The following RFX3 variants were observed in gnomAD, a reference collection of about 807,000 sequenced individuals.
RFX3 encodes the protein regulatory factor X3, also known as transcription factor RFX3.
RFX3 carries 14 observed loss-of-function variants against 98.6 expected under a neutral mutation model. The ratio of observed to expected loss-of-function variants is 0.14; its 90% CI spans 0.09 to 0.22. The LOEUF (loss-of-function observed/expected upper bound fraction) is 0.22, where lower values mean the gene tolerates loss of function less well. RFX3 is among the 10% of genes least tolerant of loss of function. The pLI is 1.00. For missense variants in RFX3, 639 were observed against 926.9 expected (o/e 0.69, Z 4.03); for synonymous variants, 383 against 328.4 (o/e 1.17, Z -1.80).
chr9:3,378,183 A>C (rs912431425), intron 2 of RFX3, among the ~76,000 whole-genome samples: 1 of 152,194 alleles, frequency 6.6e-6, no homozygotes, highest in African/African-American at 2.4e-5. Context: ...TTTAGAGCCA[A>C]CTTCTTATTT....
intron 1 of RFX3, among the ~76,000 whole-genome samples, chr9:3,430,389 A>T (rs1224365751): frequency 6.6e-6 from 1 of 152,166 alleles, no homozygotes; most frequent in Non-Finnish European, 1.5e-5. Flanking sequence ...CTGGCAAAAC[A>T]CTTTTGCTTT....
At chr9:3,280,317 G>A (rs1825775721) in intron 7 of RFX3, among the ~76,000 whole-genome samples, 1 of 151,788 alleles carries the variant, frequency 6.6e-6, no homozygotes, top group Non-Finnish European at 1.5e-5. Flanking sequence ...ATGTGGGCCT[G>A]TAAGTATGAG....
At chr9:3,318,951 T>C (rs1830946541) in intron 4 of RFX3, among the ~76,000 whole-genome samples, 1 of 152,194 alleles carries the variant, frequency 6.6e-6, no homozygotes. Flanking sequence ...CCACCCTCAC[T>C]AGAAGCCTAT....
At chr9:3,248,241 T>G in intron 14 of RFX3, 56 bp from the exon 15 acceptor site, 1 of 1,508,960 alleles carries the variant, frequency 6.6e-7, no homozygotes, top group South Asian at 1.3e-5. Context: ...GAATTAGCAT[T>G]CTACCTATTT....
chr9:3,228,730 G>T, intron 16 of RFX3, 117 bp downstream of exon 16: 1 of 756,482 alleles, frequency 1.3e-6, no homozygotes. Context: ...TATTTATCTA[G>T]GATTTGTATG....
intron 1 of RFX3, among the ~76,000 whole-genome samples, chr9:3,421,818 G>C (rs1843465479): frequency 6.6e-6 from 1 of 152,036 alleles, no homozygotes; most frequent in Non-Finnish European, 1.5e-5. Context: ...TGCCCCTCTG[G>C]TCTTCTATTC....
intron 4 of RFX3, 101 bp downstream of exon 4, chr9:3,330,158 G>A: frequency 8.4e-7 from 1 of 1,194,482 alleles, no homozygotes; most frequent in Non-Finnish European, 1.2e-6. Flanking sequence ...ACACATTCTT[G>A]CCCCAGTCCC....
intron 2 of RFX3, among the ~76,000 whole-genome samples, chr9:3,347,591 AG>A (rs1407595005): frequency 5.3e-5 from 8 of 152,144 alleles, no homozygotes; most frequent in African/African-American, 1.9e-4. Flanking sequence ...TGGGAAGTGA[AG>A]GCAGCTGGAT....
intron 1 of RFX3, among the ~76,000 whole-genome samples, chr9:3,473,372 GA>G (rs1848951497): frequency 6.6e-6 from 1 of 152,138 alleles, no homozygotes; most frequent in Non-Finnish European, 1.5e-5. Context: ...TGAGAGATCT[GA>G]AAATCACTAA....
At chr9:3,459,290 T>C (rs1847475406) in intron 1 of RFX3, among the ~76,000 whole-genome samples, 1 of 152,214 alleles carries the variant, frequency 6.6e-6, no homozygotes, top group Non-Finnish European at 1.5e-5. Flanking sequence ...ACATGATTTA[T>C]GCAACACATT....
At chr9:3,453,147 T>C (rs1456890745) in intron 1 of RFX3, among the ~76,000 whole-genome samples, 2 of 152,014 alleles carry the variant, frequency 1.3e-5, no homozygotes, top group South Asian at 4.1e-4. Context: ...GCCCATCTAT[T>C]ATGGTCATTA....
chr9:3,475,722 G>A (rs1204664128), intron 1 of RFX3, among the ~76,000 whole-genome samples: 1 of 152,184 alleles, frequency 6.6e-6, no homozygotes, highest in Admixed American at 6.5e-5. Context: ...AAGTGGACTA[G>A]GAGGGTGACC....
chr9:3,337,567 C>T (rs1317688822), intron 3 of RFX3, among the ~76,000 whole-genome samples: 1 of 152,170 alleles, frequency 6.6e-6, no homozygotes, highest in African/African-American at 2.4e-5. Context: ...GTCATGTTTA[C>T]AGTGGCAGTA....
chr9:3,232,772 G>GAT (rs1818637621), intron 15 of RFX3, among the ~76,000 whole-genome samples: 1 of 6,870 alleles, frequency 1.5e-4, no homozygotes, highest in Admixed American at 2.4e-3. Context: ...TTTAGAATCT[G>GAT]AGAGAGAGAG....
chr9:3,443,144 T>G (rs1845745373), intron 1 of RFX3, among the ~76,000 whole-genome samples: 1 of 152,158 alleles, frequency 6.6e-6, no homozygotes, highest in South Asian at 2.1e-4. Flanking sequence ...AAGGTACAAA[T>G]TAATACCACA....
intron 2 of RFX3, among the ~76,000 whole-genome samples, chr9:3,370,459 C>T (rs977742322): frequency 6.6e-6 from 1 of 151,554 alleles, no homozygotes; most frequent in African/African-American, 2.4e-5. Flanking sequence ...CTATGAAGTA[C>T]ATGATTTTTA....
chr9:3,409,313 C>G (rs1004252006), intron 1 of RFX3, among the ~76,000 whole-genome samples: 2 of 152,134 alleles, frequency 1.3e-5, no homozygotes, highest in Non-Finnish European at 2.9e-5. Flanking sequence ...CACTTGTTAA[C>G]CAATTGAATT....
At position 3,319,872 on chromosome 9, in the gene RFX3, AG is replaced by A. The variant is rs1831056369; in HGVS notation, c.474+10386del. Among the ~76,000 whole-genome samples the A allele has an allele frequency of 4.6e-5, 7 of 152,022 alleles. No homozygotes were observed. The South Asian group carries it at 1.5e-3, about 32-fold the overall frequency. The stretch of plus-strand genomic sequence containing the variant: ...GTGACCGAAAAAAAAAAAAAAACTC[AG>A]ATTCTCAATACATAAATACAAATAC... On this transcript the variant is annotated intron_variant, in intron 4 of 16. Transcript: ENST00000617270.
In RFX3 at chr9:3,301,519, A is replaced by G. The variant is rs767503194; in HGVS notation, c.549+27T>C. ...ACACATGCAGAACAAGCAAGAGATT[A>G]GTGTACATGAAGAAGAGGCAACTTA... On this transcript the variant is annotated intron_variant, in intron 5 of 16. Transcript: ENST00000617270. 3 of 1,479,144 alleles carry G rather than the reference A, an allele frequency of 2.0e-6. No individual in the cohort carries two copies. The South Asian group carries it at 3.5e-5, about 17-fold the overall frequency. 91.6% of individuals were successfully genotyped at this position (1,479,144 alleles called of 1,614,324 possible).
Sources: gnomAD v4.1 joint callset for allele counts (sites outside exome capture counted in the v4.1 genomes callset) on GRCh38, gnomAD v4.1.1 for gene constraint, MANE v1.5 for transcripts, NCBI Gene and HGNC (gene_info 2026-07-23, HGNC 2026-07-21) for gene names.